The following RBMS2 variants were observed in gnomAD, a reference collection of about 807,000 sequenced individuals.
The protein encoded by RBMS2 is RNA-binding motif, single-stranded-interacting protein 2.
In RBMS2, 38 loss-of-function variants were observed where a neutral mutation model predicts 58.4. That is an observed-to-expected ratio of 0.65 (90% CI 0.50 to 0.85). The LOEUF (loss-of-function observed/expected upper bound fraction) is 0.85, where lower values mean the gene tolerates loss of function less well. Ranked by LOEUF, RBMS2 falls within the 40% of genes least tolerant of loss-of-function variation. The pLI is 0.00. For synonymous variants in RBMS2, 151 were observed against 180.7 expected (o/e 0.84, Z 1.32); for missense variants, 367 against 503.7 (o/e 0.73, Z 2.60).
intron 1 of RBMS2, among the ~76,000 whole-genome samples, chr12:56,545,399 G>A (rs569173590): frequency 6.6e-6 from 1 of 152,248 alleles, no homozygotes; most frequent in South Asian, 2.1e-4. Context: ...TTTTATAACA[G>A]CTCTATTGAG....
chr12:56,522,791 C>T (rs1871967409), intron 1 of RBMS2, among the ~76,000 whole-genome samples: 1 of 152,162 alleles, frequency 6.6e-6, no homozygotes, highest in Admixed American at 6.6e-5. Flanking sequence ...ATTGTGCTGT[C>T]CTTGGGCACA....
At chr12:56,587,770 T>G (rs1884873844) in intron 11 of RBMS2, 106 bp downstream of exon 11, 1 of 1,401,522 alleles carries the variant, frequency 7.1e-7, no homozygotes, top group Non-Finnish European at 9.6e-7. Context: ...ATTACTTCAG[T>G]GTCATCCGGG....
rs1399598171 is a variant in RBMS2 at position 56,592,983 on chromosome 12, G to A, written c.*3850G>A. ...TACCAAGCCCAGTTCGTTATTTTAA[G>A]TTTTTGTAGAGACAGGGGTCTTACT... On this transcript the variant is annotated 3_prime_UTR_variant, in exon 14 of 14. Coordinates refer to ENST00000262031, the MANE Select transcript of RBMS2 (RefSeq NM_002898.4). The A allele has an allele frequency of 1.3e-5, 2 of 151,830 alleles. No individual in the cohort carries two copies. The highest frequency in any genetic ancestry group is 1.9e-4 in the East Asian group (1 of 5,174). The allele number at this position is 151,830 out of a possible 1,614,324, so 9.4% of individuals were successfully genotyped here.
intron 1 of RBMS2, among the ~76,000 whole-genome samples, chr12:56,550,407 G>A (rs1878036015): frequency 6.6e-6 from 1 of 152,104 alleles, no homozygotes; most frequent in Non-Finnish European, 1.5e-5. Flanking sequence ...GCATGTGCCT[G>A]TAGTCTCAGT....
intron 1 of RBMS2, among the ~76,000 whole-genome samples, chr12:56,536,297 G>A (rs1874815563): frequency 6.7e-6 from 1 of 149,632 alleles, no homozygotes; most frequent in African/African-American, 2.5e-5. Context: ...GCTAATTTTT[G>A]TATTTTTGTA....
chr12:56,582,319 T>C (rs981972254), intron 9 of RBMS2, among the ~76,000 whole-genome samples, 167 bp downstream of exon 9: 2 of 152,172 alleles, frequency 1.3e-5, no homozygotes, highest in African/African-American at 2.4e-5. Flanking sequence ...GTCATATATA[T>C]GGTATACAGT....
At chr12:56,557,433 G>A (rs568978016) in intron 1 of RBMS2, among the ~76,000 whole-genome samples, 13 of 151,986 alleles carry the variant, frequency 8.6e-5, no homozygotes, top group Non-Finnish European at 1.5e-4. Flanking sequence ...CAGAAGGTAC[G>A]TGAGAATAGC....
At chr12:56,520,939 T>C (rs1046817831), upstream of RBMS2, among the ~76,000 whole-genome samples, 2 of 152,222 alleles carry the variant, frequency 1.3e-5, no homozygotes, top group African/African-American at 4.8e-5. Flanking sequence ...TTTCATGATA[T>C]AGTCCAGTCT....
Position 56,593,022 on chromosome 12 carries a change from T to TG in RBMS2, c.*3891dup, listed in dbSNP as rs1885416782. On this transcript the variant is annotated 3_prime_UTR_variant, in exon 14 of 14. Transcript: ENST00000262031. ...AGGGGTCTTACTATGTTGCCCAGACTGGTCTTGAACTCCTGTCAAGTGAGC... is the reference window on the plus strand; with the variant it reads ...AGGGGTCTTACTATGTTGCCCAGACTGGGTCTTGAACTCCTGTCAAGTGAGC... The TG allele has an allele frequency of 2.0e-5, 3 of 152,260 alleles. No individual in the cohort carries two copies. Among genetic ancestry groups the TG allele is most frequent in the African/African-American group, 7.2e-5 (3 of 41,428 alleles). 9.4% of individuals were successfully genotyped at this position (152,260 alleles called of 1,614,324 possible).
chr12:56,570,768 AG>A (rs1242770980), intron 4 of RBMS2, among the ~76,000 whole-genome samples: 3 of 152,100 alleles, frequency 2.0e-5, no homozygotes, highest in African/African-American at 4.8e-5. Context: ...TAGTAGAGAC[AG>A]GGTTTCACCG....
In RBMS2 at chr12:56,581,856, C is replaced by T; in HGVS notation, c.756C>T (p.Asp252=). ...ADMGVMALTY[D]PTTALQNGFY... is the part of the protein sequence containing the mutation. ...AGGGCGTCATGGCCTTGACCTATGA[C>T]CCCACCACAGCTCTTCAGAATGGGT... is the stretch of plus-strand genomic sequence containing the variant. Residue 252 remains aspartate (D), a synonymous_variant, in exon 8 of 14, where the codon GAC becomes GAT. Coordinates refer to ENST00000262031, the MANE Select transcript of RBMS2 (RefSeq NM_002898.4). The T allele has an allele frequency of 2.5e-6, 4 of 1,614,158 alleles. No individual in the cohort carries two copies. The highest frequency in any genetic ancestry group is 1.1e-5 in the South Asian group (1 of 91,080).
intron 1 of RBMS2, among the ~76,000 whole-genome samples, chr12:56,525,948 C>T (rs1872572819): frequency 6.6e-6 from 1 of 151,830 alleles, no homozygotes; most frequent in South Asian, 2.1e-4. Context: ...CAGGCGTGAG[C>T]CACCACGCCC....
At chr12:56,561,098 A>G (rs537927224) in intron 1 of RBMS2, among the ~76,000 whole-genome samples, 2 of 152,156 alleles carry the variant, frequency 1.3e-5, no homozygotes, top group African/African-American at 2.4e-5. Flanking sequence ...ACAGGATCTC[A>G]TTCTTCTTTA....
chr12:56,531,795 C>T (rs558195863), intron 1 of RBMS2, among the ~76,000 whole-genome samples: 5 of 142,248 alleles, frequency 3.5e-5, no homozygotes, highest in South Asian at 2.2e-4. Context: ...CCAGCCCAGG[C>T]GACAGTGCGA....
chr12:56,556,103 G>A lies in RBMS2; in HGVS notation c.67-6314G>A, dbSNP rs532314387. Among the ~76,000 whole-genome samples, 6 of 151,590 alleles carry A rather than the reference G, an allele frequency of 4.0e-5. No individual in the cohort carries two copies. The South Asian group carries it at 1.2e-3, about 32-fold the overall frequency. On this transcript the variant is annotated intron_variant, in intron 1 of 13. Coordinates refer to ENST00000262031, the MANE Select transcript of RBMS2 (RefSeq NM_002898.4). ...AATAACCTCAATTCCCTATAAATTG[G>A]TGGTGTAGTATTTAAATAATACTAC...
At chr12:56,536,774 G>A (rs949248638) in intron 1 of RBMS2, among the ~76,000 whole-genome samples, 3 of 151,638 alleles carry the variant, frequency 2.0e-5, no homozygotes, top group Non-Finnish European at 4.4e-5. Flanking sequence ...TCACCATGCT[G>A]GCCAGGCTGG....
At chr12:56,553,751 GC>G (rs1414958466) in intron 1 of RBMS2, among the ~76,000 whole-genome samples, 1 of 151,886 alleles carries the variant, frequency 6.6e-6, no homozygotes, top group Non-Finnish European at 1.5e-5. Flanking sequence ...ACAAGTTTGA[GC>G]CACTGCATCT....
intron 1 of RBMS2, among the ~76,000 whole-genome samples, chr12:56,549,422 C>T (rs1207890490): frequency 6.6e-6 from 1 of 152,006 alleles, no homozygotes; most frequent in Non-Finnish European, 1.5e-5. Flanking sequence ...AGGCATTGTG[C>T]CACCCTCCTT....
chr12:56,527,419 C>A (rs572056691), intron 1 of RBMS2, among the ~76,000 whole-genome samples: 1 of 152,060 alleles, frequency 6.6e-6, no homozygotes, highest in Non-Finnish European at 1.5e-5. Flanking sequence ...TGAGACCAGA[C>A]TGGCCAACAG....
Sources: gnomAD v4.1 joint callset for allele counts (sites outside exome capture counted in the v4.1 genomes callset) on GRCh38, gnomAD v4.1.1 for gene constraint, MANE v1.5 for transcripts, NCBI Gene and HGNC (gene_info 2026-07-23, HGNC 2026-07-21) for gene names.